Variants in ULK4 observed in about 807,000 individuals in gnomAD.
ULK4 encodes unc-51 like kinase 4.
Under a neutral mutation model 160.6 loss-of-function variants are expected in ULK4, and 133 were observed. The ratio of observed to expected loss-of-function variants is 0.83; its 90% CI spans 0.72 to 0.96. ULK4 has a LOEUF of 0.96. Among genes scored for constraint, ULK4 ranks in the 40% least tolerant of loss-of-function variants. The pLI, the probability that ULK4 is intolerant of heterozygous loss-of-function variation, is 0.00. For synonymous variants in ULK4, 534 were observed against 539.8 expected (o/e 0.99, Z 0.15); for missense variants, 1,580 against 1,499.5 (o/e 1.05, Z -0.89).
chr3:41,899,469 GA>G (rs1161439682), intron 13 of ULK4, among the ~76,000 whole-genome samples: 3 of 152,088 alleles, frequency 2.0e-5, no homozygotes, highest in Non-Finnish European at 4.4e-5. Flanking sequence ...TTATAAGAGG[GA>G]AAAAAAGAAA....
intron 32 of ULK4, among the ~76,000 whole-genome samples, chr3:41,542,616 T>C (rs1401724796): frequency 6.6e-6 from 1 of 152,188 alleles, no homozygotes; most frequent in African/African-American, 2.4e-5. Context: ...TCTTTGTACC[T>C]CTGGTGGAAT....
intron 32 of ULK4, among the ~76,000 whole-genome samples, chr3:41,543,229 G>A (rs555472291): frequency 2.0e-5 from 3 of 151,998 alleles, no homozygotes; most frequent in African/African-American, 7.2e-5. Flanking sequence ...ATTATAGTAC[G>A]GGAATGTGAG....
chr3:41,610,147 T>C lies in ULK4; in HGVS notation c.3120+5522A>G, dbSNP rs546970705. On this transcript the variant is annotated intron_variant, in intron 31 of 36. Coordinates refer to ENST00000301831, the MANE Select transcript of ULK4 (RefSeq NM_017886.4). ...TTGTCTGCCTCAGCCTCCCCAGTAG[T>C]TGGGATTACAGGCACACACCACCAC... Among the ~76,000 whole-genome samples the C allele has an allele frequency of 4.0e-5, 6 of 151,486 alleles. No individual in the cohort carries two copies. In the South Asian group the frequency reaches 1.0e-3, roughly 26 times the overall value.
At chr3:41,822,171 T>C (rs2041167786) in intron 18 of ULK4, among the ~76,000 whole-genome samples, 3 of 152,128 alleles carry the variant, frequency 2.0e-5, no homozygotes. Flanking sequence ...GACATCGGAC[T>C]GGTGAGGAGC....
intron 35 of ULK4, among the ~76,000 whole-genome samples, chr3:41,281,196 G>A (rs757367547): frequency 4.1e-4 from 62 of 152,136 alleles, no homozygotes; most frequent in Non-Finnish European, 8.4e-4. Context: ...GGACCAGACG[G>A]ATTCATACCA....
intron 17 of ULK4, among the ~76,000 whole-genome samples, chr3:41,852,920 G>A (rs763265640): frequency 5.3e-5 from 8 of 152,054 alleles, no homozygotes; most frequent in African/African-American, 9.7e-5. Context: ...AGAAGCAGTG[G>A]TGAAAAAAAT....
intron 18 of ULK4, among the ~76,000 whole-genome samples, chr3:41,835,362 G>T (rs2041722742): frequency 6.6e-6 from 1 of 152,048 alleles, no homozygotes; most frequent in Non-Finnish European, 1.5e-5. Flanking sequence ...CCACATTAAT[G>T]GAATATTAAA....
chr3:41,960,290 G>A (rs760826432), intron 1 of ULK4, among the ~76,000 whole-genome samples: 1 of 152,084 alleles, frequency 6.6e-6, no homozygotes, highest in Non-Finnish European at 1.5e-5. Context: ...CTTAGATAGG[G>A]TGGTTTGTTA....
chr3:41,451,829 T>C (rs902440828), intron 34 of ULK4, among the ~76,000 whole-genome samples: 4 of 152,192 alleles, frequency 2.6e-5, no homozygotes, highest in Non-Finnish European at 4.4e-5. Flanking sequence ...GGCAATTTTA[T>C]GTGATTCAAT....
intron 32 of ULK4, among the ~76,000 whole-genome samples, chr3:41,509,954 T>A (rs1009439370): frequency 9.2e-5 from 14 of 152,248 alleles, no homozygotes; most frequent in Middle Eastern, 3.4e-3. Context: ...AATAGCAAGA[T>A]GAATAGAATA....
At position 41,398,264 on chromosome 3, in the gene ULK4, G is replaced by C; in HGVS notation, c.3493C>G (p.Leu1165Val). The part of the protein sequence containing the change: ...TDLISLLIPL[L>V]PNEDPEIFDV... Reference sequence around the variant, plus strand: ...AAAATCTCAGGATCTTCATTAGGAAGCTGAAAATTAACAAATAAGACTATT... The same window carrying C: ...AAAATCTCAGGATCTTCATTAGGAACCTGAAAATTAACAAATAAGACTATT... Residue 1165 changes from leucine (L) to valine (V), a missense_variant and splice_region_variant, in exon 35 of 37, where the codon CTT becomes GTT. Coordinates refer to ENST00000301831, the MANE Select transcript of ULK4 (RefSeq NM_017886.4). The C allele has an allele frequency of 1.2e-6, 2 of 1,610,660 alleles. No homozygotes were observed. The highest frequency in any genetic ancestry group is 1.1e-5 in the South Asian group (1 of 90,436).
intron 34 of ULK4, among the ~76,000 whole-genome samples, chr3:41,447,919 G>A (rs1392437784): frequency 6.6e-6 from 1 of 152,116 alleles, no homozygotes; most frequent in Admixed American, 6.5e-5. Context: ...CAAGCGAGCC[G>A]AGCCAGTGAG....
chr3:41,447,198 C>T (rs866442239), intron 34 of ULK4, among the ~76,000 whole-genome samples: 9 of 151,230 alleles, frequency 6.0e-5, no homozygotes, highest in African/African-American at 1.9e-4. Context: ...ATTCTTTCTT[C>T]AACCTCTCTA....
intron 27 of ULK4, among the ~76,000 whole-genome samples, chr3:41,692,851 C>T (rs757740811): frequency 6.6e-6 from 1 of 152,240 alleles, no homozygotes; most frequent in Admixed American, 6.5e-5. Context: ...AGGACCCCCA[C>T]CCATTTTTTT....
intron 34 of ULK4, among the ~76,000 whole-genome samples, chr3:41,424,210 T>G (rs1159300633): frequency 6.6e-6 from 1 of 152,030 alleles, no homozygotes; most frequent in African/African-American, 2.4e-5. Flanking sequence ...CACTGGGCAG[T>G]GCCTCCCTGC....
In ULK4 at chr3:41,314,755, A is replaced by G. The variant is rs1221326401; in HGVS notation, c.3679-65181T>C. On this transcript the variant is annotated intron_variant, in intron 35 of 36. Coordinates refer to ENST00000301831, the MANE Select transcript of ULK4 (RefSeq NM_017886.4). The stretch of plus-strand genomic sequence containing the variant: ...TTGTTGAAAAATTTGGTGATGGTCT[A>G]TAAGTGTAATTGTTCTATGTGTCCT... Among the ~76,000 whole-genome samples, 4 of 152,130 alleles carry G rather than the reference A, an allele frequency of 2.6e-5. 1 individual carries two copies. Among genetic ancestry groups the G allele is most frequent in the African/African-American group, 9.7e-5 (4 of 41,438 alleles).
At chr3:41,283,965 A>AAAAT (rs58834032) in intron 35 of ULK4, among the ~76,000 whole-genome samples, 38,012 of 150,296 alleles carry the variant, frequency 0.25, 6,330 homozygotes, top group African/African-American at 0.47. Flanking sequence ...ATAGCTGCCA[A>AAAAT]AAATAAATAA....
Position 41,259,355 on chromosome 3 carries a change from G to A in ULK4, c.3679-9781C>T, listed in dbSNP as rs553848534. ...CACAGTTTGGGTTGGCTCTTCTCTG[G>A]ATTTCAGCTTCCCCAAATACAAACT... On this transcript the variant is annotated intron_variant, in intron 35 of 36. Transcript: ENST00000301831. 2.6e-5 allele frequency among the ~76,000 whole-genome samples: 4 copies of A among 152,196 alleles called. No individual in the cohort carries two copies. In the South Asian group the frequency reaches 8.3e-4, roughly 32 times the overall value.
intron 22 of ULK4, among the ~76,000 whole-genome samples, chr3:41,722,046 T>C (rs2037488838): frequency 6.6e-6 from 1 of 152,176 alleles, no homozygotes; most frequent in Non-Finnish European, 1.5e-5. Context: ...TTGTACAAAT[T>C]AAACTCTTAC....
Sources: allele counts gnomAD v4.1 joint callset (sites outside exome capture counted in the v4.1 genomes callset), GRCh38; gene constraint gnomAD v4.1.1; transcripts MANE v1.5; gene names NCBI Gene and HGNC (gene_info 2026-07-23, HGNC 2026-07-21).